CCDC171: variants seen among roughly 807,000 people sequenced by gnomAD.
CCDC171 encodes the protein coiled-coil domain-containing protein 171.
Under a neutral mutation model 168.2 loss-of-function variants are expected in CCDC171, and 177 were observed. That is an observed-to-expected ratio of 1.05 (90% CI 0.93 to 1.19). The LOEUF is 1.19. Ranked by LOEUF, CCDC171 falls within the 50% of genes most tolerant of loss-of-function variation. CCDC171 has a pLI of 0.00. For missense variants in CCDC171, 1,991 were observed against 1,539.0 expected (o/e 1.29, Z -4.91); for synonymous variants, 687 against 540.8 (o/e 1.27, Z -3.75).
chr9:15,610,483 T>TAAAAAAAAAAAAAAAAAAA (rs1351393897), intron 6 of CCDC171, among the ~76,000 whole-genome samples: 4 of 43,088 alleles, frequency 9.3e-5, no homozygotes, highest in Admixed American at 2.7e-4. Flanking sequence ...AAAAAAAAAC[T>TAAAAAAAAAAAAAAAAAAA]GGGCGTGGTG....
intron 2 of CCDC171, among the ~76,000 whole-genome samples, chr9:15,567,027 CTTT>C (rs34470119): frequency 5.3e-5 from 7 of 132,282 alleles, no homozygotes; most frequent in African/African-American, 5.6e-5. Flanking sequence ...TCTACATGTC[CTTT>C]TTTTTTTTTT....
intron 7 of CCDC171, among the ~76,000 whole-genome samples, chr9:15,648,856 C>A (rs1484135620): frequency 6.6e-6 from 1 of 152,194 alleles, no homozygotes; most frequent in Admixed American, 6.5e-5. Context: ...CCATCCCCAT[C>A]AAGCTACCAA....
At chr9:15,975,462 A>G (rs1368644811), downstream of CCDC171, among the ~76,000 whole-genome samples, 2 of 152,206 alleles carry the variant, frequency 1.3e-5, no homozygotes, top group Non-Finnish European at 2.9e-5. Context: ...TTATGAATTG[A>G]TTAGACAAAA....
intron 21 of CCDC171, among the ~76,000 whole-genome samples, chr9:15,793,383 T>A (rs1173301093): frequency 2.6e-5 from 4 of 152,022 alleles, no homozygotes; most frequent in Admixed American, 2.0e-4. Flanking sequence ...TGGGAGACTT[T>A]AACACCCCAC....
chr9:15,606,638 G>T (rs2175081), intron 6 of CCDC171, among the ~76,000 whole-genome samples: 1 of 152,170 alleles, frequency 6.6e-6, no homozygotes, highest in Non-Finnish European at 1.5e-5. Flanking sequence ...TAATTCTTCA[G>T]AATTGGAACG....
intron 4 of CCDC171, among the ~76,000 whole-genome samples, chr9:15,590,082 C>T (rs2041870400): frequency 6.6e-6 from 1 of 152,068 alleles, no homozygotes. Flanking sequence ...CTAAAGCTTT[C>T]ACGAGAAAAG....
intron 9 of CCDC171, 115 bp downstream of exon 9, chr9:15,666,438 G>T: frequency 1.5e-6 from 1 of 668,990 alleles, no homozygotes; most frequent in Non-Finnish European, 2.4e-6. Flanking sequence ...GTCAGTGGTA[G>T]ACTGGGGCAA....
chr9:15,775,982 T>C (rs1436612484), intron 18 of CCDC171, among the ~76,000 whole-genome samples: 1 of 152,158 alleles, frequency 6.6e-6, no homozygotes, highest in Non-Finnish European at 1.5e-5. Flanking sequence ...GGTATTGAAA[T>C]GATAAATTGA....
chr9:16,075,529 C>T, the CCDC171 span, among the ~76,000 whole-genome samples: 2 of 152,128 alleles, frequency 1.3e-5, no homozygotes, highest in Non-Finnish European at 2.9e-5. Flanking sequence ...GGGCTATAAA[C>T]TCTGGTTCCT....
chr9:15,940,046 G>GT (rs1827544859), intron 25 of CCDC171, among the ~76,000 whole-genome samples: 1 of 151,734 alleles, frequency 6.6e-6, no homozygotes, highest in Non-Finnish European at 1.5e-5. Flanking sequence ...TACTCAATGC[G>GT]TACACTCTTT....
At chr9:15,567,564 C>G (rs957726191) in intron 2 of CCDC171, among the ~76,000 whole-genome samples, 3 of 152,166 alleles carry the variant, frequency 2.0e-5, no homozygotes, top group Admixed American at 1.3e-4. Flanking sequence ...GTTTTCCTTA[C>G]ATGAATGTGA....
At position 15,744,540 on chromosome 9, in the gene CCDC171, G is replaced by T; in HGVS notation, c.2317G>T (p.Ala773Ser). The change falls in exon 17 of 26, where the codon GCC (alanine) becomes TCC (serine). Residue 773 changes from alanine (A) to serine (S), a missense_variant. By Grantham distance (99) the Ala-to-Ser change is moderately conservative (BLOSUM62 1). Transcript: ENST00000380701. ...GTTCAAACTGGAAATTAGAACTCTA[G>T]CCCAGGCTTTGTCAACTGTAGAGGA... is the stretch of plus-strand genomic sequence containing the variant. ...ELFKLEIRTLAQALSTVEEKK... is the reference protein window; with the variant it reads ...ELFKLEIRTLSQALSTVEEKK... The T allele has an allele frequency of 1.2e-6, 2 of 1,614,140 alleles. No individual in the cohort carries two copies. Among genetic ancestry groups the T allele is most frequent in the South Asian group, 2.2e-5 (2 of 91,076 alleles).
chr9:15,603,126 C>G (rs983902308), intron 6 of CCDC171, among the ~76,000 whole-genome samples: 3 of 151,894 alleles, frequency 2.0e-5, no homozygotes, highest in Non-Finnish European at 2.9e-5. Flanking sequence ...GGCCTACAGG[C>G]GCCCGTCACC....
chr9:15,765,345 G>T (rs773257664), intron 18 of CCDC171, among the ~76,000 whole-genome samples: 5 of 152,066 alleles, frequency 3.3e-5, no homozygotes, highest in Non-Finnish European at 5.9e-5. Context: ...GTGGTAAGGG[G>T]AATGATTCAA....
chr9:15,998,130 A>G (rs1209017023), intron 3 of CCDC171, among the ~76,000 whole-genome samples: 39 of 152,264 alleles, frequency 2.6e-4, no homozygotes, highest in Non-Finnish European at 1.2e-4. Context: ...TCCCCCAGAG[A>G]GATCAGAATG....
chr9:15,595,417 C>A (rs191534436), intron 6 of CCDC171, among the ~76,000 whole-genome samples: 1 of 151,998 alleles, frequency 6.6e-6, no homozygotes, highest in South Asian at 2.1e-4. Context: ...TTTCTCCTTG[C>A]GATAGTTTGC....
At chr9:15,839,960 T>C (rs2060608198) in intron 21 of CCDC171, among the ~76,000 whole-genome samples, 1 of 142,008 alleles carries the variant, frequency 7.0e-6, no homozygotes, top group South Asian at 2.3e-4. Context: ...TTCCCAATTT[T>C]AAATTTGACC....
At chr9:15,617,896 C>T (rs972709985) in intron 6 of CCDC171, among the ~76,000 whole-genome samples, 5 of 152,174 alleles carry the variant, frequency 3.3e-5, no homozygotes, top group Non-Finnish European at 7.3e-5. Context: ...CCCAGAGGGG[C>T]AGCAGCCTGA....
At chr9:15,955,839 G>A (rs1208994348) in intron 25 of CCDC171, among the ~76,000 whole-genome samples, 1 of 152,014 alleles carries the variant, frequency 6.6e-6, no homozygotes. Context: ...CTTTAGTGAG[G>A]AAACAGACGT....
Sources: allele counts gnomAD v4.1 joint callset (sites outside exome capture counted in the v4.1 genomes callset), GRCh38; gene constraint gnomAD v4.1.1; transcripts MANE v1.5; gene names NCBI Gene and HGNC (gene_info 2026-07-23, HGNC 2026-07-21).